Variants in ATXN7 observed in about 807,000 individuals in gnomAD.
ATXN7 encodes ataxin-7.
In ATXN7, 12 loss-of-function variants were observed where a neutral mutation model predicts 70.5. That is an observed-to-expected ratio of 0.17 (90% CI 0.11 to 0.28). The LOEUF (loss-of-function observed/expected upper bound fraction) is 0.28. Ranked by LOEUF, ATXN7 falls within the 10% of genes least tolerant of loss-of-function variation. The pLI is 1.00. For missense variants in ATXN7, 1,256 were observed against 1,131.7 expected, an observed-to-expected ratio of 1.11 and a Z score of -1.58; for synonymous variants, 498 against 448.7, an observed-to-expected ratio of 1.11 and a Z score of -1.39.
intron 2 of ATXN7, chr3:63,905,303 C>T (rs772961650): frequency 4.6e-5 from 7 of 152,206 alleles, no homozygotes; most frequent in African/African-American, 1.2e-4. Flanking sequence ...CTCTGACTCC[C>T]TAGTTCAAGA....
intron 4 of ATXN7, among the ~76,000 whole-genome samples, chr3:63,915,236 G>C (rs1359947439): frequency 6.6e-6 from 1 of 152,088 alleles, no homozygotes; most frequent in Non-Finnish European, 1.5e-5. Context: ...CCTGGCCCTT[G>C]TTAGTGTTTT....
chr3:63,998,545 CCTTAAAATCA>C, intron 12 of ATXN7: 1 of 985,246 alleles, frequency 1.0e-6, no homozygotes, highest in Non-Finnish European at 1.2e-6. Context: ...TGGGCTTTTT[CCTTAAAATCA>C]GTTAAAATCA....
At chr3:63,980,890 G>A (rs145671948) in intron 6 of ATXN7, among the ~76,000 whole-genome samples, 1 of 152,318 alleles carries the variant, frequency 6.6e-6, no homozygotes, top group Non-Finnish European at 1.5e-5. Context: ...AGGGAAGACT[G>A]AAGGAAGTTC....
At chr3:63,874,947 T>G (rs1702707357) in intron 1 of ATXN7, among the ~76,000 whole-genome samples, 1 of 152,104 alleles carries the variant, frequency 6.6e-6, no homozygotes, top group Admixed American at 6.5e-5. Flanking sequence ...AGGGCTTGTT[T>G]CCTGTTTCAT....
chr3:63,911,537 T>C (rs1059030), intron 2 of ATXN7: 1 of 152,222 alleles, frequency 6.6e-6, no homozygotes, highest in Non-Finnish European at 1.5e-5. Context: ...ATCAGATTTT[T>C]ACTTTTGGGG....
chr3:63,972,312 T>C (rs1559651531), intron 5 of ATXN7, among the ~76,000 whole-genome samples: 3 of 152,228 alleles, frequency 2.0e-5, no homozygotes, highest in Admixed American at 1.3e-4. Flanking sequence ...ACCTTCATTA[T>C]TGAAAGTCCT....
At chr3:63,967,790 C>T (rs749933184) in intron 5 of ATXN7, 448 of 1,484,884 alleles carry the variant, frequency 3.0e-4, no homozygotes, top group Middle Eastern at 7.0e-4. Context: ...GTGCTTTTTA[C>T]AGTAGTAGCA....
In ATXN7 at chr3:63,999,763, TTTG is replaced by T; in HGVS notation, c.*299_*301del. The T allele has an allele frequency of 3.5e-6, 2 of 566,910 alleles. No individual in the cohort carries two copies. Among genetic ancestry groups the T allele is most frequent in the Non-Finnish European group, 6.3e-6 (2 of 318,392 alleles). The allele number at this position is 566,910 out of a possible 1,614,324, so 35.1% of individuals were successfully genotyped here. On this transcript the variant is annotated 3_prime_UTR_variant, in exon 13 of 13. Transcript: ENST00000674280. Reference sequence around the variant, plus strand: ...ATCTGTGAGAAGTTTTTGTTTTTGTTTTGTTTTTTAACTTGCAGTATATCACAG... The same window carrying T: ...ATCTGTGAGAAGTTTTTGTTTTTGTTTTTTTTAACTTGCAGTATATCACAG...
intron 4 of ATXN7, among the ~76,000 whole-genome samples, chr3:63,940,085 G>C (rs889325353): frequency 3.9e-5 from 6 of 152,144 alleles, no homozygotes; most frequent in Non-Finnish European, 7.4e-5. Context: ...TGAGATGTCA[G>C]TTGGGGGCTT....
intron 9 of ATXN7, 130 bp downstream of exon 9, chr3:63,988,454 T>A (rs2106781068): frequency 7.8e-7 from 1 of 1,285,536 alleles, no homozygotes; most frequent in East Asian, 2.4e-5. Context: ...TTTTAAGGAG[T>A]TTTACTATGA....
At chr3:63,914,033 G>A (rs1358942964) in intron 4 of ATXN7, among the ~76,000 whole-genome samples, 2 of 152,092 alleles carry the variant, frequency 1.3e-5, no homozygotes, top group African/African-American at 2.4e-5. Context: ...AGTGAACTTC[G>A]GGTTCAGTTT....
intron 5 of ATXN7, among the ~76,000 whole-genome samples, chr3:63,960,673 A>G (rs2075114364): frequency 6.6e-6 from 1 of 152,148 alleles, no homozygotes. Flanking sequence ...AAGCAGCTGG[A>G]TGAATTTACT....
intron 5 of ATXN7, among the ~76,000 whole-genome samples, chr3:63,964,399 C>T (rs2106701295): frequency 6.6e-6 from 1 of 152,114 alleles, no homozygotes; most frequent in African/African-American, 2.4e-5. Flanking sequence ...AAAACTATGG[C>T]CAGTTTTGTT....
At chr3:63,890,348 T>G (rs1462244736) in intron 1 of ATXN7, among the ~76,000 whole-genome samples, 1 of 152,202 alleles carries the variant, frequency 6.6e-6, no homozygotes, top group Non-Finnish European at 1.5e-5. Context: ...TTTAGACATG[T>G]AAGACCCAGC....
chr3:63,910,563 C>T (rs984050620), intron 2 of ATXN7, among the ~76,000 whole-genome samples: 2 of 152,118 alleles, frequency 1.3e-5, no homozygotes, highest in South Asian at 2.1e-4. Context: ...GTCATCTAAG[C>T]TATGTTAAAA....
intron 5 of ATXN7, among the ~76,000 whole-genome samples, chr3:63,963,525 C>A (rs183266414): frequency 6.6e-6 from 1 of 152,250 alleles, no homozygotes; most frequent in East Asian, 1.9e-4. Flanking sequence ...ATATTTTTCT[C>A]ATGCTTCTAA....
chr3:63,912,748 C>T lies in ATXN7; in HGVS notation c.150C>T (p.His50=), dbSNP rs1175541548. 1.0e-5 allele frequency: 13 copies of T among 1,303,600 alleles called. No individual in the cohort carries two copies. In the South Asian group the frequency reaches 2.7e-4, roughly 27 times the overall value. 80.8% of individuals were successfully genotyped at this position (1,303,600 alleles called of 1,614,324 possible). A position where few individuals can be genotyped will look rare whatever the true frequency, so the allele number is the denominator to read the frequency against. ...CTCCGCAGCCCCAGCGGCAGCAGCA[C>T]CCGCCACCGCCGCCACGGCGCACAC... ...PPPPQPQRQQ[H]PPPPPRRTRP... Residue 50 remains histidine (H), a synonymous_variant, in exon 3 of 13, where the codon CAC becomes CAT. Coordinates refer to ENST00000674280, the MANE Select transcript of ATXN7 (RefSeq NM_001377405.1).
At chr3:63,952,237 T>G (rs2106658703) in intron 4 of ATXN7, 142 bp from the exon 5 acceptor site, 35 of 495,882 alleles carry the variant, frequency 7.1e-5, no homozygotes, top group East Asian at 3.3e-5. Context: ...TTTCTCTGTT[T>G]AATAGTGGTG....
chr3:63,994,762 T>C (rs2075729523), intron 11 of ATXN7, among the ~76,000 whole-genome samples: 1 of 152,204 alleles, frequency 6.6e-6, no homozygotes, highest in Admixed American at 6.5e-5. Flanking sequence ...TCGGTTTAAA[T>C]TCTGCCAAAG....
Sources: gnomAD v4.1 joint callset for allele counts (sites outside exome capture counted in the v4.1 genomes callset) on GRCh38, gnomAD v4.1.1 for gene constraint, MANE v1.5 for transcripts, NCBI Gene and HGNC (gene_info 2026-07-23, HGNC 2026-07-21) for gene names.